The following ZNF37A variants were observed in gnomAD, a reference collection of about 807,000 sequenced individuals.
ZNF37A encodes zinc finger protein 37a (KOX 21).
A neutral mutation model predicts 12.3 loss-of-function variants in ZNF37A; 10 were observed. That is an observed-to-expected ratio of 0.82 (90% CI 0.50 to 1.38). ZNF37A has a LOEUF of 1.38. Among genes scored for constraint, ZNF37A ranks in the 40% most tolerant of loss-of-function variants. The probability of loss-of-function intolerance (pLI) is 0.00; values close to 1 mark genes in which losing one functional copy is unlikely to be tolerated. For synonymous variants in ZNF37A, 207 were observed against 223.0 expected, an observed-to-expected ratio of 0.93 and a Z score of 0.64; for missense variants, 580 against 651.2, an observed-to-expected ratio of 0.89 and a Z score of 1.19.
At chr10:38,110,450 A>G (rs1488474202) in intron 5 of ZNF37A, among the ~76,000 whole-genome samples, 3 of 152,222 alleles carry the variant, frequency 2.0e-5, no homozygotes, top group Non-Finnish European at 4.4e-5. Flanking sequence ...CTAAAACACC[A>G]AAAACAATGG....
chr10:38,113,958 T>A (rs573652432), intron 5 of ZNF37A, among the ~76,000 whole-genome samples: 128 of 152,312 alleles, frequency 8.4e-4, no homozygotes, highest in Middle Eastern at 6.8e-3. Flanking sequence ...GAGGAAAATA[T>A]CAGCATGCCT....
At chr10:38,097,355 G>A (rs989027036) in intron 5 of ZNF37A, among the ~76,000 whole-genome samples, 2 of 152,028 alleles carry the variant, frequency 1.3e-5, no homozygotes, top group Non-Finnish European at 2.9e-5. Context: ...CGAGGTGGGT[G>A]GATCATGAGG....
At chr10:38,146,704 A>G in intron 7 of ZNF37A, 1 of 398,404 alleles carries the variant, frequency 2.5e-6, no homozygotes, top group Non-Finnish European at 4.4e-6. Context: ...GCCTACATGC[A>G]CAGAGGGTCA....
intron 7 of ZNF37A, among the ~76,000 whole-genome samples, chr10:38,133,852 A>C (rs1054562198): frequency 3.9e-5 from 6 of 152,196 alleles, no homozygotes; most frequent in Non-Finnish European, 7.3e-5. Flanking sequence ...GTTGGGTCAA[A>C]TGGTATTTCT....
intron 5 of ZNF37A, among the ~76,000 whole-genome samples, chr10:38,096,906 A>T (rs1341721386): frequency 6.6e-6 from 1 of 152,228 alleles, no homozygotes; most frequent in African/African-American, 2.4e-5. Context: ...GGACTCAGCT[A>T]TACTCATGTA....
In ZNF37A at chr10:38,122,987, G is replaced by A. The variant is rs1035384821; in HGVS notation, c.*4150G>A. On this transcript the variant is annotated 3_prime_UTR_variant, in exon 8 of 8. Transcript: ENST00000685332. The stretch of plus-strand genomic sequence containing the variant: ...AGACTGAGTAATTTATAAAGAAGAG[G>A]TTTAATTGGCTCACGGTTTTGCAGG... 6.6e-6 allele frequency: 1 copy of A among 152,398 alleles called. No homozygotes were observed. The highest frequency in any genetic ancestry group is 2.4e-5 in the African/African-American group (1 of 41,446). 9.4% of individuals were successfully genotyped at this position (152,398 alleles called of 1,614,324 possible). A position where few individuals can be genotyped will look rare whatever the true frequency, so the allele number is the denominator to read the frequency against.
chr10:38,118,722 A>T lies in ZNF37A; in HGVS notation c.1571A>T (p.Glu524Val), dbSNP rs749428126. Residue 524 changes from glutamate (E) to valine (V), a missense_variant, in exon 8 of 8, where the codon GAA becomes GTA. Coordinates refer to ENST00000685332, the MANE Select transcript of ZNF37A (RefSeq NM_001324250.3). The stretch of plus-strand genomic sequence containing the variant: ...ACACACACAGGGGAGAAACCCTATG[A>T]ATGTAATGTTTGTGGAAAATCATTC... The part of the protein sequence containing the change: ...HRTHTGEKPY[E>V]CNVCGKSFYV... The T allele has an allele frequency of 6.2e-7, 1 of 1,613,894 alleles. No homozygotes were observed. Among genetic ancestry groups the T allele is most frequent in the Admixed American group, 1.7e-5 (1 of 59,928 alleles).
intron 5 of ZNF37A, among the ~76,000 whole-genome samples, chr10:38,097,313 C>A (rs1246742925): frequency 6.6e-6 from 1 of 152,160 alleles, no homozygotes; most frequent in Non-Finnish European, 1.5e-5. Flanking sequence ...GGCTAGGTGG[C>A]TCATGCCTAT....
intron 5 of ZNF37A, among the ~76,000 whole-genome samples, chr10:38,107,316 G>A (rs922132795): frequency 7.2e-4 from 109 of 152,234 alleles, no homozygotes; most frequent in African/African-American, 2.4e-3. Flanking sequence ...AGAGATTTTT[G>A]TCACCACCAG....
intron 7 of ZNF37A, chr10:38,139,635 G>C (rs1374617571): frequency 6.6e-6 from 1 of 152,048 alleles, no homozygotes; most frequent in Non-Finnish European, 1.5e-5. Flanking sequence ...CAAAATGCTG[G>C]GATTATAGGT....
At chr10:38,131,099 G>A (rs376483768) in intron 7 of ZNF37A, among the ~76,000 whole-genome samples, 22 of 152,024 alleles carry the variant, frequency 1.4e-4, no homozygotes, top group Middle Eastern at 3.4e-3. Context: ...ATATATTTTG[G>A]ATATTACTAT....
At chr10:38,141,429 G>A (rs1437467990) in intron 7 of ZNF37A, 1 of 152,092 alleles carries the variant, frequency 6.6e-6, no homozygotes, top group Non-Finnish European at 1.5e-5. Context: ...AGTCTAGTCA[G>A]ACAAACATAA....
At position 38,117,708 on chromosome 10, in the gene ZNF37A, C is replaced by T; in HGVS notation, c.557C>T (p.Ser186Leu). The T allele has an allele frequency of 6.2e-7, 1 of 1,613,878 alleles. No homozygotes were observed. Among genetic ancestry groups the T allele is most frequent in the South Asian group, 1.1e-5 (1 of 91,060 alleles). Reference sequence around the variant, plus strand: ...GAACATGGGAAAACCTGTGATATGTCATTTTTCATCACTCATCAGCAAACA... The same window carrying T: ...GAACATGGGAAAACCTGTGATATGTTATTTTTCATCACTCATCAGCAAACA... ...YTEHGKTCDM[S>L]FFITHQQTHP... The change falls in exon 8 of 8, where the codon TCA (serine) becomes TTA (leucine). Residue 186 changes from serine (S) to leucine (L), a missense_variant. Transcript: ENST00000685332.
chr10:38,111,667 C>T (rs1311154281), intron 5 of ZNF37A, among the ~76,000 whole-genome samples: 2 of 152,042 alleles, frequency 1.3e-5, no homozygotes, highest in South Asian at 2.1e-4. Context: ...GAAAACTTGG[C>T]GTATAATCTT....
intron 5 of ZNF37A, 131 bp from the exon 6 acceptor site, chr10:38,114,619 TATATC>T (rs1322773223): frequency 3.8e-6 from 4 of 1,043,906 alleles, no homozygotes; most frequent in African/African-American, 3.2e-5. Context: ...TAAAACAACA[TATATC>T]ATAGGGGCCC....
intron 5 of ZNF37A, among the ~76,000 whole-genome samples, chr10:38,100,174 A>G (rs2067446244): frequency 6.6e-6 from 1 of 152,212 alleles, no homozygotes; most frequent in African/African-American, 2.4e-5. Flanking sequence ...ACAGACATCA[A>G]GTACTTTACA....
downstream of ZNF37A, among the ~76,000 whole-genome samples, chr10:38,127,048 G>A (rs1486303727): frequency 1.3e-5 from 2 of 152,110 alleles, no homozygotes; most frequent in African/African-American, 4.8e-5. Context: ...GTGTTTTCAA[G>A]TGCAAAAAGT....
Position 38,122,458 on chromosome 10 carries a change from C to A in ZNF37A, c.*3621C>A, listed in dbSNP as rs2069759030. ...CAATTATTCAACAGAGCTACAGTAA[C>A]CAAAACAGCATGATACTGGCATAAC... On this transcript the variant is annotated 3_prime_UTR_variant, in exon 8 of 8. Coordinates refer to ENST00000685332, the MANE Select transcript of ZNF37A (RefSeq NM_001324250.3). The A allele has an allele frequency of 6.6e-6, 1 of 152,068 alleles. No individual in the cohort carries two copies. The highest frequency in any genetic ancestry group is 2.4e-5 in the African/African-American group (1 of 41,388). The allele number at this position is 152,068 out of a possible 1,614,324, so 9.4% of individuals were successfully genotyped here.
At chr10:38,098,741 T>C (rs778006945) in intron 5 of ZNF37A, among the ~76,000 whole-genome samples, 1 of 152,218 alleles carries the variant, frequency 6.6e-6, no homozygotes, top group East Asian at 1.9e-4. Context: ...GCCATACTCA[T>C]GTATTTATGT....
Sources: allele counts gnomAD v4.1 joint callset (sites outside exome capture counted in the v4.1 genomes callset), GRCh38; gene constraint gnomAD v4.1.1; transcripts MANE v1.5; gene names NCBI Gene and HGNC (gene_info 2026-07-23, HGNC 2026-07-21).